ADAM23: variants seen among roughly 807,000 people sequenced by gnomAD.
ADAM23 encodes the protein ADAM metallopeptidase domain 23.
A neutral mutation model predicts 120.1 loss-of-function variants in ADAM23; 33 were observed. The observed-to-expected ratio is 0.27, with a 90% CI of 0.21 to 0.37. ADAM23 has a LOEUF of 0.37. Ranked by LOEUF, ADAM23 falls within the 10% of genes least tolerant of loss-of-function variation. The probability of loss-of-function intolerance (pLI) is 1.00; values close to 1 mark genes in which losing one functional copy is unlikely to be tolerated. For synonymous variants in ADAM23, 367 were observed against 375.2 expected (o/e 0.98, Z 0.25); for missense variants, 862 against 1,058.2 (o/e 0.81, Z 2.57).
intron 15 of ADAM23, among the ~76,000 whole-genome samples, chr2:206,567,648 G>A (rs1479228617): frequency 6.6e-6 from 1 of 151,982 alleles, no homozygotes; most frequent in Non-Finnish European, 1.5e-5. Context: ...AAGAGATGGT[G>A]GGTTAAATTA....
chr2:206,497,519 A>G (rs542702248), intron 3 of ADAM23, among the ~76,000 whole-genome samples: 2 of 152,340 alleles, frequency 1.3e-5, no homozygotes, highest in African/African-American at 2.4e-5. Context: ...AATAAGAGCT[A>G]TCTATGACAA....
intron 2 of ADAM23, among the ~76,000 whole-genome samples, chr2:206,450,939 A>T (rs1236268904): frequency 6.6e-6 from 1 of 152,160 alleles, no homozygotes; most frequent in Non-Finnish European, 1.5e-5. Context: ...TCACTGGTGG[A>T]GTGTCAGAAT....
chr2:206,468,608 A>T (rs559915927), intron 2 of ADAM23, among the ~76,000 whole-genome samples: 1 of 152,274 alleles, frequency 6.6e-6, no homozygotes, highest in African/African-American at 2.4e-5. Flanking sequence ...AGGAAGTTCC[A>T]AATGTTCCCC....
At chr2:206,474,430 A>G (rs777621374) in intron 2 of ADAM23, among the ~76,000 whole-genome samples, 166 of 152,304 alleles carry the variant, frequency 1.1e-3, no homozygotes, top group African/African-American at 3.8e-3. Context: ...GTGGCTAACT[A>G]TCCTGGGAGG....
chr2:206,467,549 G>A (rs1377651955), intron 2 of ADAM23, among the ~76,000 whole-genome samples: 1 of 152,216 alleles, frequency 6.6e-6, no homozygotes, highest in Admixed American at 6.5e-5. Context: ...CCCTGCCCCT[G>A]TGGCTTTGCA....
At chr2:206,538,021 A>G (rs1207686357) in intron 4 of ADAM23, among the ~76,000 whole-genome samples, 1 of 152,170 alleles carries the variant, frequency 6.6e-6, no homozygotes, top group Non-Finnish European at 1.5e-5. Flanking sequence ...GCACGGGGTT[A>G]AAAAATGCCC....
intron 2 of ADAM23, among the ~76,000 whole-genome samples, chr2:206,466,121 A>G (rs953933121): frequency 1.3e-5 from 2 of 152,210 alleles, no homozygotes; most frequent in Non-Finnish European, 2.9e-5. Flanking sequence ...TATTAGAAGC[A>G]GTAGAGATAT....
At chr2:206,602,357 A>G (rs1698654304) in intron 24 of ADAM23, among the ~76,000 whole-genome samples, 1 of 152,176 alleles carries the variant, frequency 6.6e-6, no homozygotes, top group African/African-American at 2.4e-5. Flanking sequence ...TCTAAAAATG[A>G]ACTTGTTTTT....
At chr2:206,523,819 ATATCT>A (rs767864384) in intron 3 of ADAM23, among the ~76,000 whole-genome samples, 29 of 152,306 alleles carry the variant, frequency 1.9e-4, no homozygotes, top group African/African-American at 4.8e-4. Flanking sequence ...TGAATTTAAA[ATATCT>A]TATGTGTATA....
intron 7 of ADAM23, 132 bp downstream of exon 7, chr2:206,547,633 C>T: frequency 1.5e-6 from 1 of 671,760 alleles, no homozygotes; most frequent in Non-Finnish European, 2.4e-6. Flanking sequence ...TGGATCAGCA[C>T]TGGAATGAGT....
At chr2:206,466,852 C>A (rs1381684295) in intron 2 of ADAM23, among the ~76,000 whole-genome samples, 1 of 152,190 alleles carries the variant, frequency 6.6e-6, no homozygotes, top group African/African-American at 2.4e-5. Context: ...GGCATGGCAG[C>A]ATCTGCTTCT....
At chr2:206,489,346 G>C (rs1448630107) in intron 3 of ADAM23, among the ~76,000 whole-genome samples, 2 of 152,128 alleles carry the variant, frequency 1.3e-5, no homozygotes, top group African/African-American at 4.8e-5. Context: ...TCTGAGAGAG[G>C]GAATCAGGGA....
intron 13 of ADAM23, among the ~76,000 whole-genome samples, chr2:206,563,175 A>G (rs928916543): frequency 2.6e-5 from 4 of 152,328 alleles, no homozygotes; most frequent in East Asian, 3.9e-4. Context: ...GTTCATTCAT[A>G]TTATTCACTT....
intron 3 of ADAM23, among the ~76,000 whole-genome samples, chr2:206,499,966 C>G (rs935721244): frequency 6.6e-6 from 1 of 152,082 alleles, no homozygotes; most frequent in African/African-American, 2.4e-5. Flanking sequence ...CACCCAGCAC[C>G]GTGAACAACA....
chr2:206,560,543 G>C (rs1697742686), intron 11 of ADAM23, among the ~76,000 whole-genome samples: 1 of 152,170 alleles, frequency 6.6e-6, no homozygotes, highest in Non-Finnish European at 1.5e-5. Context: ...GCCACACCTA[G>C]CTACAAGAGA....
At chr2:206,508,821 C>A (rs1165404029) in intron 3 of ADAM23, among the ~76,000 whole-genome samples, 1 of 152,100 alleles carries the variant, frequency 6.6e-6, no homozygotes, top group Non-Finnish European at 1.5e-5. Flanking sequence ...TAGTAAAGAC[C>A]TTGTCTTATT....
At chr2:206,562,385 C>A in intron 13 of ADAM23, 92 bp downstream of exon 13, 2 of 931,132 alleles carry the variant, frequency 2.1e-6, no homozygotes, top group South Asian at 3.7e-5. Context: ...TCATTCCAGT[C>A]ATTATAGTTT....
intron 15 of ADAM23, among the ~76,000 whole-genome samples, chr2:206,569,314 AATC>A (rs1343894740): frequency 2.0e-5 from 3 of 152,220 alleles, no homozygotes; most frequent in Non-Finnish European, 4.4e-5. Flanking sequence ...AATAACTATA[AATC>A]ATCTATTTTT....
intron 25 of ADAM23, among the ~76,000 whole-genome samples, chr2:206,610,905 AT>A (rs1434497240): frequency 6.6e-6 from 1 of 152,184 alleles, no homozygotes; most frequent in Non-Finnish European, 1.5e-5. Flanking sequence ...ACAGAAACAA[AT>A]TTAAGTGGGA....
Sources: gnomAD v4.1 joint callset for allele counts (sites outside exome capture counted in the v4.1 genomes callset) on GRCh38, gnomAD v4.1.1 for gene constraint, MANE v1.5 for transcripts, NCBI Gene and HGNC (gene_info 2026-07-23, HGNC 2026-07-21) for gene names.